Variants in APC observed in about 807,000 individuals in gnomAD.
APC encodes the protein adenomatous polyposis coli protein.
In APC, 72 loss-of-function variants were observed where a neutral mutation model predicts 247.0. That is an observed-to-expected ratio of 0.29 (90% CI 0.24 to 0.35). The LOEUF (loss-of-function observed/expected upper bound fraction) is 0.35. Among genes scored for constraint, APC ranks in the 10% least tolerant of loss-of-function variants. The pLI is 1.00. For missense variants in APC, 3,400 were observed against 3,360.7 expected (o/e 1.01, Z -0.29); for synonymous variants, 1,254 against 1,162.5 (o/e 1.08, Z -1.60).
intron 4 of APC, 25 bp from the exon 5 acceptor site, chr5:112,775,604 C>A (rs1343540256): frequency 9.8e-6 from 14 of 1,423,966 alleles, no homozygotes; most frequent in Non-Finnish European, 1.4e-5. Flanking sequence ...TTTAAACGTA[C>A]CTTTTTTTAA....
At chr5:112,827,401 A>G (rs182889662) in intron 12 of APC, among the ~76,000 whole-genome samples, 154 bp downstream of exon 12, 60 of 152,260 alleles carry the variant, frequency 3.9e-4, no homozygotes, top group African/African-American at 1.4e-3. Flanking sequence ...ATCTTTACTC[A>G]TTTGTTTGTC....
chr5:112,826,151 A>G (rs563981409), intron 11 of APC, among the ~76,000 whole-genome samples: 2 of 152,338 alleles, frequency 1.3e-5, no homozygotes, highest in South Asian at 4.1e-4. Flanking sequence ...ATCACTTATT[A>G]AAAATATTAA....
intron 6 of APC, among the ~76,000 whole-genome samples, chr5:112,782,854 T>C (rs746498693): frequency 2.0e-5 from 3 of 152,154 alleles, no homozygotes; most frequent in Non-Finnish European, 4.4e-5. Flanking sequence ...GGAGAAGATA[T>C]TTATTACCAT....
Position 112,842,562 on chromosome 5 carries a change from C to G in APC, c.6968C>G (p.Ser2323Cys), listed in dbSNP as rs746401478. ...AQQPLSRPIQSPGRNSISPGR... is the reference protein window; with the variant it reads ...AQQPLSRPIQCPGRNSISPGR... ...CAACCATTAAGTAGACCTATACAGT[C>G]TCCTGGCCGAAACTCAATTTCCCCT... Residue 2323 changes from serine (S) to cysteine (C), a missense_variant, in exon 16 of 16, where the codon TCT (serine) becomes TGT (cysteine). Transcript: ENST00000257430. 6.2e-7 allele frequency: 1 copy of G among 1,613,918 alleles called. No homozygotes were observed.
rs192648139 is a variant in APC, at chr5:112,760,746, A to C, written c.136-5580A>C. Among the ~76,000 whole-genome samples the C allele has an allele frequency of 2.9e-3, 448 of 152,148 alleles. 6 individuals are homozygous for C. The highest frequency in any genetic ancestry group is 0.01 in the African/African-American group (426 of 41,492). ...TTTCTATCTGAATATAGAGAGACAC[A>C]CTCAAGGAACTGGGAAAACCAAACC... On this transcript the variant is annotated intron_variant, in intron 2 of 15. Transcript: ENST00000257430.
chr5:112,735,141 A>AGT (rs1752311567), upstream of APC, among the ~76,000 whole-genome samples: 1 of 152,120 alleles, frequency 6.6e-6, no homozygotes, highest in South Asian at 2.1e-4. Context: ...GTCTTTAAAC[A>AGT]GTGTTACACA....
Position 112,738,437 on chromosome 5 carries a change from G to A in APC, c.-19+512G>A, listed in dbSNP as rs550306841. On this transcript the variant is annotated intron_variant, in intron 1 of 15. Transcript: ENST00000257430. ...GAATCTAGTGGAAAGAGCTACTGGG[G>A]ATGAGAGAAAGAGGAGGAGGCAGGT... 367 of 985,928 alleles carry A rather than the reference G, an allele frequency of 3.7e-4. 4 individuals are homozygous for A. The African/African-American group carries it at 6.1e-3, about 16-fold the overall frequency. The allele number at this position is 985,928 out of a possible 1,614,324, so 61.1% of individuals were successfully genotyped here.
intron 2 of APC, among the ~76,000 whole-genome samples, chr5:112,763,908 A>G (rs574749906): frequency 2.0e-5 from 3 of 152,284 alleles, no homozygotes; most frequent in East Asian, 3.9e-4. Flanking sequence ...ACGCTTGAGA[A>G]CACTACTGTA....
Position 112,766,383 on chromosome 5 carries a change from C to T in APC, c.193C>T (p.Gln65Ter). 6.2e-7 allele frequency: 1 copy of T among 1,611,736 alleles called. No homozygotes were observed. Among genetic ancestry groups the T allele is most frequent in the Non-Finnish European group, 8.5e-7 (1 of 1,178,124 alleles). Residue 65 changes from glutamine to a stop codon, truncating the protein, a stop_gained, in exon 3 of 16, where the codon CAG (glutamine) becomes TAG (stop). Coordinates refer to ENST00000257430, the MANE Select transcript of APC (RefSeq NM_000038.6). LOFTEE classifies it high-confidence loss of function. Reference sequence around the variant, plus strand: ...AGATGAAGCTATGGCTTCTTCTGGACAGATTGATTTATTAGAGCGTCTTAA... The same window carrying T: ...AGATGAAGCTATGGCTTCTTCTGGATAGATTGATTTATTAGAGCGTCTTAA... ...IEDEAMASSG[Q>*]IDLLERLKEL...
In APC at chr5:112,818,966, G is replaced by A. The variant is rs1060503285; in HGVS notation, c.934G>A (p.Val312Met). Reference sequence around the variant, plus strand: ...GTTTCTAAACTCATTTGGCCCACAGGTGGAAATGGTGTATTCATTGTTGTC... The same window carrying A: ...GTTTCTAAACTCATTTGGCCCACAGATGGAAATGGTGTATTCATTGTTGTC... ...RRLTSHLGTK[V>M]EMVYSLLSML... The change falls in exon 10 of 16, where the codon GTG becomes ATG. Residue 312 changes from valine to methionine, a missense_variant and splice_region_variant. By Grantham distance (21) the Val-to-Met change is conservative. This residue lies in a region of APC where 8 missense variants were observed against 24.3 expected (regional missense o/e 0.33). Coordinates refer to ENST00000257430, the MANE Select transcript of APC (RefSeq NM_000038.6). 8 of 1,613,768 alleles carry A rather than the reference G, an allele frequency of 5.0e-6. No individual in the cohort carries two copies. Among genetic ancestry groups the A allele is most frequent in the Non-Finnish European group, 5.9e-6 (7 of 1,179,932 alleles).
Position 112,845,902 on chromosome 5 carries a change from G to A in APC, c.*1776G>A, listed in dbSNP as rs1402941433. The A allele has an allele frequency of 4.3e-6, 1 of 231,996 alleles. No homozygotes were observed. Among genetic ancestry groups the A allele is most frequent in the African/African-American group, 2.2e-5 (1 of 45,244 alleles). The allele number at this position is 231,996 out of a possible 1,614,324, so 14.4% of individuals were successfully genotyped here. A position where few individuals can be genotyped will look rare whatever the true frequency, so the allele number is the denominator to read the frequency against. On this transcript the variant is annotated 3_prime_UTR_variant, in exon 16 of 16. Transcript: ENST00000257430. ...AGGGAAAACCTTTTTAAGCATGGTG[G>A]GGCACTCAGATAGGAGTGAATACAC... is the stretch of plus-strand genomic sequence containing the variant.
chr5:112,720,668 T>C (rs1248755458), intron 1 of APC, among the ~76,000 whole-genome samples: 1 of 152,180 alleles, frequency 6.6e-6, no homozygotes, highest in Non-Finnish European at 1.5e-5. Flanking sequence ...AATAGGTCTG[T>C]TACAGATTTG....
At chr5:112,771,207 T>C (rs535178360) in intron 4 of APC, among the ~76,000 whole-genome samples, 5 of 152,296 alleles carry the variant, frequency 3.3e-5, no homozygotes, top group African/African-American at 1.2e-4. Context: ...GTCTTTCTTA[T>C]ATAGCTCTTT....
rs768109346 is a variant in APC at position 112,827,103 on chromosome 5, A to C, written c.1409-5A>C. Reference sequence around the variant, plus strand: ...GTCTTTTTCCTCTTGCCCTTTTTAAATTAGGGGGACTACAGGCCATTGCAG... The same window carrying C: ...GTCTTTTTCCTCTTGCCCTTTTTAACTTAGGGGGACTACAGGCCATTGCAG... On this transcript the variant is annotated splice_region_variant and splice_polypyrimidine_tract_variant and intron_variant, in intron 11 of 15. Transcript: ENST00000257430. The C allele has an allele frequency of 1.9e-6, 3 of 1,613,318 alleles. No individual in the cohort carries two copies. Among genetic ancestry groups the C allele is most frequent in the Non-Finnish European group, 2.5e-6 (3 of 1,179,710 alleles).
chr5:112,819,456 T>C, intron 10 of APC, 112 bp downstream of exon 10: 1 of 1,360,724 alleles, frequency 7.3e-7, no homozygotes, highest in Non-Finnish European at 1.0e-6. Context: ...AGGAGAAAAT[T>C]CATATCAGCC....
At chr5:112,719,112 A>G (rs1014814074) in intron 1 of APC, among the ~76,000 whole-genome samples, 2 of 152,222 alleles carry the variant, frequency 1.3e-5, no homozygotes, top group Non-Finnish European at 2.9e-5. Flanking sequence ...GTGGGACTGT[A>G]TGGAGGAGGG....
intron 10 of APC, among the ~76,000 whole-genome samples, chr5:112,821,331 C>A (rs1207256109): frequency 1.3e-5 from 2 of 152,010 alleles, no homozygotes; most frequent in Non-Finnish European, 2.9e-5. Context: ...CATAGCAAGA[C>A]CCTATCTCTA....
chr5:112,755,146 C>G lies in APC; in HGVS notation c.135+121C>G, dbSNP rs146920699. The stretch of plus-strand genomic sequence containing the variant: ...TTTAAATTAAGCAATAATATGTAAA[C>G]TCTTTCTTGCAAAAGTTAGCATTTA... On this transcript the variant is annotated intron_variant, in intron 2 of 15. Coordinates refer to ENST00000257430, the MANE Select transcript of APC (RefSeq NM_000038.6). 9.9e-5 allele frequency: 136 copies of G among 1,371,624 alleles called. 1 individual carries two copies. The African/African-American group carries it at 1.6e-3, about 16-fold the overall frequency. 85.0% of individuals were successfully genotyped at this position (1,371,624 alleles called of 1,614,324 possible).
intron 4 of APC, among the ~76,000 whole-genome samples, chr5:112,771,598 A>G (rs780294675): frequency 3.0e-4 from 45 of 152,304 alleles, no homozygotes; most frequent in Admixed American, 6.5e-4. Flanking sequence ...GAGAAATTTG[A>G]TACCAGTCTG....
Sources: allele counts gnomAD v4.1 joint callset (sites outside exome capture counted in the v4.1 genomes callset), GRCh38; gene constraint gnomAD v4.1.1; regional missense constraint gnomAD v4.1.1; transcripts MANE v1.5; gene names NCBI Gene and HGNC (gene_info 2026-07-23, HGNC 2026-07-21).